The following SGCG variants were observed in gnomAD, a reference collection of about 807,000 sequenced individuals.
SGCG encodes gamma-sarcoglycan.
SGCG carries 26 observed loss-of-function variants against 29.3 expected under a neutral mutation model. That is an observed-to-expected ratio of 0.89 (90% CI 0.65 to 1.23). SGCG has a LOEUF of 1.23. Among genes scored for constraint, SGCG ranks in the 50% most tolerant of loss-of-function variants. The pLI, the probability that SGCG is intolerant of heterozygous loss-of-function variation, is 0.00. For synonymous variants in SGCG, 145 were observed against 129.7 expected (o/e 1.12, Z -0.80); for missense variants, 353 against 356.0 (o/e 0.99, Z 0.07).
At position 23,324,686 on chromosome 13, in the gene SGCG, G is replaced by A. The variant is rs150043089; in HGVS notation, c.*145G>A. The A allele has an allele frequency of 1.4e-6, 1 of 728,728 alleles. No individual in the cohort carries two copies. The highest frequency in any genetic ancestry group is 1.7e-5 in the African/African-American group (1 of 57,150). The allele number at this position is 728,728 out of a possible 1,614,324, so 45.1% of individuals were successfully genotyped here. On this transcript the variant is annotated 3_prime_UTR_variant, in exon 8 of 8. Transcript: ENST00000218867. ...AACTCAGAAAAAATTATGTGCCAGTGAAAGTGTTTGGACAAAAACTACATG... is the reference window on the plus strand; with the variant it reads ...AACTCAGAAAAAATTATGTGCCAGTAAAAGTGTTTGGACAAAAACTACATG...
chr13:23,285,146 G>A (rs1593219678), intron 5 of SGCG, among the ~76,000 whole-genome samples: 2 of 152,216 alleles, frequency 1.3e-5, no homozygotes, highest in South Asian at 4.1e-4. Flanking sequence ...TGTGCTGGGA[G>A]ATCCGCTGCT....
At chr13:23,280,056 C>T (rs1487803880) in intron 5 of SGCG, among the ~76,000 whole-genome samples, 2 of 152,014 alleles carry the variant, frequency 1.3e-5, no homozygotes, top group African/African-American at 4.8e-5. Flanking sequence ...ATTGGAGTAA[C>T]CCACAGACTC....
chr13:23,166,206 A>G, the SGCG span, among the ~76,000 whole-genome samples: 2 of 151,636 alleles, frequency 1.3e-5, no homozygotes, highest in African/African-American at 4.8e-5. Flanking sequence ...ATTCTCCTCT[A>G]TTTCTAGTTT....
chr13:23,233,431 T>C (rs1879184364), intron 2 of SGCG, among the ~76,000 whole-genome samples: 1 of 152,202 alleles, frequency 6.6e-6, no homozygotes. Flanking sequence ...TTTCAAATTG[T>C]ACCCCAAAAT....
the SGCG span, among the ~76,000 whole-genome samples, chr13:23,167,776 GGC>G: frequency 2.6e-5 from 4 of 151,606 alleles, no homozygotes; most frequent in South Asian, 6.2e-4. Context: ...CCGGCACCCA[GGC>G]TGGAGTACAA....
chr13:23,302,533 A>G (rs974563432), intron 6 of SGCG, among the ~76,000 whole-genome samples: 1 of 152,104 alleles, frequency 6.6e-6, no homozygotes, highest in African/African-American at 2.4e-5. Flanking sequence ...ACATAAAGAA[A>G]TCATAAATGC....
At chr13:23,236,189 G>A (rs1288451494) in intron 3 of SGCG, among the ~76,000 whole-genome samples, 1 of 152,112 alleles carries the variant, frequency 6.6e-6, no homozygotes, top group Non-Finnish European at 1.5e-5. Context: ...CTGTCCTACA[G>A]GATTTCCCTT....
chr13:23,299,456 A>ATATATATATTTTTT, intron 6 of SGCG, among the ~76,000 whole-genome samples: 1 of 41,540 alleles, frequency 2.4e-5, no homozygotes, highest in Non-Finnish European at 4.8e-5. Flanking sequence ...ATATATATAT[A>ATATATATATTTTTT]TTTTTTTTTT....
chr13:23,199,476 C>A (rs1029969965), intron 1 of SGCG, among the ~76,000 whole-genome samples: 2 of 152,134 alleles, frequency 1.3e-5, no homozygotes, highest in Non-Finnish European at 2.9e-5. Context: ...CTGGTTAAAC[C>A]AGATAGCCTC....
intron 2 of SGCG, among the ~76,000 whole-genome samples, chr13:23,208,389 T>C (rs527682213): frequency 6.6e-6 from 1 of 152,254 alleles, no homozygotes; most frequent in East Asian, 1.9e-4. Flanking sequence ...CTACAAATGA[T>C]ATATTCAAAA....
chr13:23,279,972 C>T (rs1436323896), intron 5 of SGCG, among the ~76,000 whole-genome samples: 2 of 152,128 alleles, frequency 1.3e-5, no homozygotes, highest in Non-Finnish European at 2.9e-5. Context: ...AAATGATTCA[C>T]CCACCTTGGC....
chr13:23,214,206 T>G (rs1425153627), intron 2 of SGCG, among the ~76,000 whole-genome samples: 5 of 152,168 alleles, frequency 3.3e-5, no homozygotes, highest in African/African-American at 7.2e-5. Context: ...TGTCCCATCC[T>G]AGTTCCTGTT....
At chr13:23,309,973 C>G (rs79375847) in intron 6 of SGCG, among the ~76,000 whole-genome samples, 1 of 150,052 alleles carries the variant, frequency 6.7e-6, no homozygotes, top group Non-Finnish European at 1.5e-5. Flanking sequence ...AGCATGTTAT[C>G]TTTTGCTTTA....
the SGCG span, among the ~76,000 whole-genome samples, chr13:23,165,559 C>T: frequency 6.7e-6 from 1 of 149,822 alleles, no homozygotes; most frequent in African/African-American, 2.5e-5. Flanking sequence ...GAGTCTCACT[C>T]TGTTGCCCTG....
At chr13:23,229,207 A>T (rs1454226821) in intron 2 of SGCG, among the ~76,000 whole-genome samples, 1 of 152,146 alleles carries the variant, frequency 6.6e-6, no homozygotes, top group Non-Finnish European at 1.5e-5. Flanking sequence ...GTTGATGGAC[A>T]TTTAAGTTGA....
intron 2 of SGCG, among the ~76,000 whole-genome samples, chr13:23,214,245 G>A (rs1196765330): frequency 6.6e-6 from 1 of 151,996 alleles, no homozygotes; most frequent in Non-Finnish European, 1.5e-5. Context: ...TTTCTTCCCT[G>A]CTATAAAAAC....
At chr13:23,211,475 A>G (rs1441723861) in intron 2 of SGCG, among the ~76,000 whole-genome samples, 1 of 151,764 alleles carries the variant, frequency 6.6e-6, no homozygotes, top group African/African-American at 2.4e-5. Flanking sequence ...TGGAGAGGAG[A>G]GCTTGACCCC....
At chr13:23,302,945 T>C (rs1439163497) in intron 6 of SGCG, among the ~76,000 whole-genome samples, 1 of 152,308 alleles carries the variant, frequency 6.6e-6, no homozygotes, top group East Asian at 1.9e-4. Flanking sequence ...CTTCCCTAAA[T>C]ATACACCATT....
intron 2 of SGCG, 143 bp from the exon 3 acceptor site, chr13:23,234,468 C>A: frequency 3.4e-6 from 2 of 586,166 alleles, no homozygotes; most frequent in Non-Finnish European, 5.9e-6. Context: ...ATTAAAGATG[C>A]AAAGTTTTAA....
Sources: gnomAD v4.1 joint callset for allele counts (sites outside exome capture counted in the v4.1 genomes callset) on GRCh38, gnomAD v4.1.1 for gene constraint, MANE v1.5 for transcripts, NCBI Gene and HGNC (gene_info 2026-07-23, HGNC 2026-07-21) for gene names.